FOXN3: variants seen among roughly 807,000 people sequenced by gnomAD.
The protein encoded by FOXN3 is forkhead box protein N3.
A neutral mutation model predicts 38.4 loss-of-function variants in FOXN3; 7 were observed. That is an observed-to-expected ratio of 0.18 (90% CI 0.10 to 0.34). The LOEUF is 0.34. Among genes scored for constraint, FOXN3 ranks in the 10% least tolerant of loss-of-function variants. The pLI is 1.00. For synonymous variants in FOXN3, 230 were observed against 242.2 expected, an observed-to-expected ratio of 0.95 and a Z score of 0.47; for missense variants, 456 against 613.4, an observed-to-expected ratio of 0.74 and a Z score of 2.71.
At chr14:89,202,674 T>C (rs1441406660) in intron 4 of FOXN3, among the ~76,000 whole-genome samples, 2 of 152,048 alleles carry the variant, frequency 1.3e-5, no homozygotes, top group African/African-American at 4.8e-5. Flanking sequence ...TGAGAGCTGG[T>C]TGTTAAAAAG....
chr14:89,196,599 C>G (rs1311893876), intron 4 of FOXN3, among the ~76,000 whole-genome samples: 2 of 152,144 alleles, frequency 1.3e-5, no homozygotes, highest in Non-Finnish European at 2.9e-5. Flanking sequence ...GAACACCTAC[C>G]AAATGGGGCA....
chr14:89,434,384 C>A (rs1036080309), intron 1 of FOXN3, among the ~76,000 whole-genome samples: 3 of 152,000 alleles, frequency 2.0e-5, no homozygotes, highest in African/African-American at 7.3e-5. Flanking sequence ...CCTGCCACCA[C>A]ACCCGGCTAA....
In FOXN3 at chr14:89,161,388, T is replaced by G. The variant is rs1423695724; in HGVS notation, c.*1026A>C. On this transcript the variant is annotated 3_prime_UTR_variant, in exon 6 of 6. Transcript: ENST00000557258. ...GGCAGGTTCCGTAGCTTTCTAGTTT[T>G]TTTTTTTTTTTCACTTGGATCAAAT... The G allele has an allele frequency of 6.6e-6, 1 of 151,884 alleles. No individual in the cohort carries two copies. The highest frequency in any genetic ancestry group is 1.5e-5 in the Non-Finnish European group (1 of 67,936). The allele number at this position is 151,884 out of a possible 1,614,324, so 9.4% of individuals were successfully genotyped here. A position where few individuals can be genotyped will look rare whatever the true frequency, so the allele number is the denominator to read the frequency against.
intron 3 of FOXN3, chr14:89,291,038 A>G (rs1886855119): frequency 2.1e-6 from 1 of 470,508 alleles, no homozygotes; most frequent in Admixed American, 2.2e-5. Flanking sequence ...CTTGAAACTC[A>G]CTCCAAATGT....
intron 2 of FOXN3, among the ~76,000 whole-genome samples, chr14:89,404,070 G>T (rs1891320100): frequency 6.6e-6 from 1 of 152,194 alleles, no homozygotes; most frequent in African/African-American, 2.4e-5. Context: ...TTAGCACTTA[G>T]TAGGTACTTT....
At chr14:89,302,147 C>G (rs1382006297) in intron 3 of FOXN3, among the ~76,000 whole-genome samples, 1 of 152,212 alleles carries the variant, frequency 6.6e-6, no homozygotes, top group East Asian at 1.9e-4. Context: ...TTCTTACACA[C>G]CTAGTACCTA....
At chr14:89,473,867 G>A (rs780151544) in intron 1 of FOXN3, among the ~76,000 whole-genome samples, 1 of 151,960 alleles carries the variant, frequency 6.6e-6, no homozygotes, top group Non-Finnish European at 1.5e-5. Flanking sequence ...ATTTCAATTT[G>A]TCATTTTATT....
chr14:89,509,739 T>G (rs1484507959), intron 1 of FOXN3, among the ~76,000 whole-genome samples: 1 of 152,232 alleles, frequency 6.6e-6, no homozygotes, highest in Admixed American at 6.5e-5. Context: ...CACTGAAATA[T>G]TTGCTGAATG....
At chr14:89,204,365 T>C (rs1302757230) in intron 4 of FOXN3, among the ~76,000 whole-genome samples, 1 of 141,780 alleles carries the variant, frequency 7.1e-6, no homozygotes, top group Non-Finnish European at 1.5e-5. Context: ...GGGCTGCTGA[T>C]TCTCAATTCT....
In FOXN3 at chr14:89,250,682, A is replaced by G. The variant is rs1226035037; in HGVS notation, c.745+30268T>C. 3.9e-5 allele frequency among the ~76,000 whole-genome samples: 6 copies of G among 152,276 alleles called. No homozygotes were observed. In the East Asian group the frequency reaches 1.2e-3, roughly 29 times the overall value. On this transcript the variant is annotated intron_variant, in intron 4 of 5. Transcript: ENST00000557258. ...CCCCAAACTCATATATGTTCCCGAT[A>G]TGGGTTGGCTGTGTCCCCACACAAA...
At chr14:89,559,650 TGG>T (rs1376349610) in intron 1 of FOXN3, among the ~76,000 whole-genome samples, 1 of 152,120 alleles carries the variant, frequency 6.6e-6, no homozygotes, top group African/African-American at 2.4e-5. Flanking sequence ...GACTCCAGCC[TGG>T]TGACAAAGCA....
chr14:89,179,120 A>C (rs1000452074), intron 5 of FOXN3, among the ~76,000 whole-genome samples: 1 of 152,240 alleles, frequency 6.6e-6, no homozygotes, highest in East Asian at 1.9e-4. Context: ...TATTGACCTG[A>C]GAGTAGCCAG....
chr14:89,550,606 T>C (rs185276522), intron 1 of FOXN3, among the ~76,000 whole-genome samples: 1 of 152,298 alleles, frequency 6.6e-6, no homozygotes, highest in East Asian at 1.9e-4. Flanking sequence ...CCTGTGTGAC[T>C]TGTCACCAAG....
At chr14:89,368,916 G>A (rs940264490) in intron 2 of FOXN3, among the ~76,000 whole-genome samples, 1 of 152,172 alleles carries the variant, frequency 6.6e-6, no homozygotes, top group African/African-American at 2.4e-5. Flanking sequence ...GGGGTTAAGA[G>A]TTACTTGATT....
intron 3 of FOXN3, among the ~76,000 whole-genome samples, chr14:89,329,839 G>C (rs1430575245): frequency 1.8e-5 from 2 of 113,590 alleles, no homozygotes; most frequent in Non-Finnish European, 3.3e-5. Flanking sequence ...CTGGGCGACA[G>C]AGCGAGACTC....
Position 89,474,673 on chromosome 14 carries a change from T to C in FOXN3, c.-14-62183A>G, listed in dbSNP as rs547836714. On this transcript the variant is annotated intron_variant, in intron 1 of 6. Transcript: ENST00000345097. ...AATAGCAGCTTGTTGACATTTTTGT[T>C]CAGTTGAACACACAGACAACCAGAG... Among the ~76,000 whole-genome samples, 259 of 152,250 alleles carry C rather than the reference T, an allele frequency of 1.7e-3. 2 individuals are homozygous for C. Among genetic ancestry groups the C allele is most frequent in the African/African-American group, 5.7e-3 (235 of 41,544 alleles).
At chr14:89,179,858 T>C (rs557151021) in intron 5 of FOXN3, among the ~76,000 whole-genome samples, 1 of 152,300 alleles carries the variant, frequency 6.6e-6, no homozygotes, top group East Asian at 1.9e-4. Context: ...CAAAACTGTA[T>C]GAATAAGATG....
rs1445870168 is a variant in FOXN3 at position 89,363,959 on chromosome 14, TATATATA to T, written c.544-13158_544-13152del. ...ACCCTGTCTGTAAAATATATATATA[TATATATA>T]TATATATATATATATATATATAATA... On this transcript the variant is annotated intron_variant, in intron 2 of 5. Transcript: ENST00000557258. Among the ~76,000 whole-genome samples the T allele has an allele frequency of 2.8e-4, 3 of 10,690 alleles. 1 individual carries two copies. The East Asian group carries it at 9.9e-3, about 35-fold the overall frequency. The allele number at this position is 10,690 out of a possible 152,430, so 7.0% of individuals were successfully genotyped here. A position where few individuals can be genotyped will look rare whatever the true frequency, so the allele number is the denominator to read the frequency against.
chr14:89,560,608 T>C (rs999889694), intron 1 of FOXN3, among the ~76,000 whole-genome samples: 1 of 152,280 alleles, frequency 6.6e-6, no homozygotes, highest in African/African-American at 2.4e-5. Flanking sequence ...CTGAGTCTCA[T>C]TTCTTTATGA....
Sources: allele counts gnomAD v4.1 joint callset (sites outside exome capture counted in the v4.1 genomes callset), GRCh38; gene constraint gnomAD v4.1.1; transcripts MANE v1.5; gene names NCBI Gene and HGNC (gene_info 2026-07-23, HGNC 2026-07-21).